Variants in FAM184A observed in about 807,000 individuals in gnomAD.
FAM184A encodes protein FAM184A.
FAM184A carries 99 observed loss-of-function variants against 143.8 expected under a neutral mutation model. That is an observed-to-expected ratio of 0.69 (90% confidence interval 0.58 to 0.81). The LOEUF (loss-of-function observed/expected upper bound fraction) is 0.81. FAM184A is among the 40% of genes least tolerant of loss of function. The probability of loss-of-function intolerance (pLI) is 0.00; values close to 1 mark genes in which losing one functional copy is unlikely to be tolerated. For missense variants in FAM184A, 1,217 were observed against 1,310.5 expected (o/e 0.93, Z 1.10); for synonymous variants, 427 against 446.4 (o/e 0.96, Z 0.55).
chr6:119,082,380 A>G (rs1462559641), upstream of FAM184A, among the ~76,000 whole-genome samples: 2 of 152,194 alleles, frequency 1.3e-5, no homozygotes, highest in Non-Finnish European at 2.9e-5. Context: ...CAGTCTCCCA[A>G]AGTCATAACT....
chr6:119,131,907 T>C (rs552861158), intron 1 of FAM184A, among the ~76,000 whole-genome samples: 2 of 152,374 alleles, frequency 1.3e-5, no homozygotes, highest in Admixed American at 6.5e-5. Context: ...AGGAGAGTTA[T>C]AGGGATAAAG....
chr6:119,133,470 C>T (rs1427445113), intron 1 of FAM184A, among the ~76,000 whole-genome samples: 3 of 152,008 alleles, frequency 2.0e-5, no homozygotes, highest in Non-Finnish European at 4.4e-5. Context: ...GTAAGAGAAG[C>T]GGGGCTGCAG....
At chr6:119,001,267 C>T (rs1784747843) in intron 9 of FAM184A, among the ~76,000 whole-genome samples, 1 of 150,964 alleles carries the variant, frequency 6.6e-6, no homozygotes, top group African/African-American at 2.4e-5. Flanking sequence ...GCCAGTTTCT[C>T]TATGGCAATG....
intron 1 of FAM184A, among the ~76,000 whole-genome samples, chr6:119,059,856 T>C (rs976082133): frequency 1.3e-5 from 2 of 152,234 alleles, no homozygotes; most frequent in Non-Finnish European, 2.9e-5. Flanking sequence ...TCACAAGTAT[T>C]ATTTTGCCAG....
intron 3 of FAM184A, among the ~76,000 whole-genome samples, chr6:119,022,033 T>G (rs547773367): frequency 1.0e-4 from 15 of 150,576 alleles, no homozygotes; most frequent in Middle Eastern, 3.4e-3. Context: ...TTGAAAAGTG[T>G]GCTTCATTTT....
In FAM184A at chr6:119,002,282, C is replaced by T. The variant is rs918457955; in HGVS notation, c.2088+617G>A. On this transcript the variant is annotated intron_variant, in intron 9 of 17. Transcript: ENST00000338891. ...TAATCCTATTTAATGACTTGCTCTG[C>T]GGAAGAATGTTAAGAATTAATAAAT... Among the ~76,000 whole-genome samples the T allele has an allele frequency of 3.9e-5, 6 of 152,022 alleles. No individual in the cohort carries two copies. The East Asian group carries it at 5.8e-4, about 15-fold the overall frequency.
chr6:119,067,159 A>G (rs1402258335), intron 1 of FAM184A, among the ~76,000 whole-genome samples: 1 of 152,222 alleles, frequency 6.6e-6, no homozygotes, highest in Non-Finnish European at 1.5e-5. Context: ...ACAAGGAAAG[A>G]ATTTATCCCA....
intron 14 of FAM184A, among the ~76,000 whole-genome samples, chr6:118,970,667 C>T (rs1373353097): frequency 6.6e-6 from 1 of 152,052 alleles, no homozygotes; most frequent in Non-Finnish European, 1.5e-5. Flanking sequence ...GAGAATACCA[C>T]ACAAGTGTAG....
At chr6:119,138,767 A>T (rs1772107328) in intron 1 of FAM184A, among the ~76,000 whole-genome samples, 1 of 151,992 alleles carries the variant, frequency 6.6e-6, no homozygotes, top group Non-Finnish European at 1.5e-5. Context: ...GCTGGGATTT[A>T]CAGGCATGTG....
At chr6:119,034,362 T>C (rs963550955) in intron 1 of FAM184A, among the ~76,000 whole-genome samples, 7 of 151,814 alleles carry the variant, frequency 4.6e-5, no homozygotes, top group African/African-American at 1.7e-4. Context: ...CTTAGTACAT[T>C]GTTTCATAAG....
chr6:119,081,482 G>A (rs1410275603), upstream of FAM184A, among the ~76,000 whole-genome samples: 2 of 152,186 alleles, frequency 1.3e-5, no homozygotes, highest in Non-Finnish European at 2.9e-5. Context: ...CAGTGGGCAT[G>A]TGTTACAGGG....
At chr6:119,017,972 G>T (rs1010123514) in intron 4 of FAM184A, among the ~76,000 whole-genome samples, 2 of 152,132 alleles carry the variant, frequency 1.3e-5, no homozygotes, top group Non-Finnish European at 2.9e-5. Flanking sequence ...CAGCATGATT[G>T]TAAGCTTCCT....
intron 14 of FAM184A, among the ~76,000 whole-genome samples, chr6:118,971,725 T>C (rs1783702652): frequency 6.6e-6 from 1 of 152,218 alleles, no homozygotes; most frequent in Non-Finnish European, 1.5e-5. Flanking sequence ...GTAATAATCA[T>C]CATCCATAAG....
intron 14 of FAM184A, among the ~76,000 whole-genome samples, chr6:118,971,793 T>C (rs1783704543): frequency 6.6e-6 from 1 of 152,176 alleles, no homozygotes; most frequent in Non-Finnish European, 1.5e-5. Context: ...GTATTTCCCA[T>C]CCTTTACATG....
chr6:119,012,115 T>C (rs1286641202), intron 5 of FAM184A, among the ~76,000 whole-genome samples: 2 of 152,102 alleles, frequency 1.3e-5, no homozygotes, highest in Non-Finnish European at 2.9e-5. Context: ...TAAGCATGGT[T>C]TGAAGGAAGA....
chr6:119,127,315 G>A (rs932985736), intron 1 of FAM184A, among the ~76,000 whole-genome samples: 1 of 152,166 alleles, frequency 6.6e-6, no homozygotes, highest in Non-Finnish European at 1.5e-5. Context: ...GAAAAACTGG[G>A]AAAAGGTGTG....
chr6:119,080,353 C>G (rs1343083895), upstream of FAM184A, among the ~76,000 whole-genome samples: 1 of 152,164 alleles, frequency 6.6e-6, no homozygotes, highest in Non-Finnish European at 1.5e-5. Flanking sequence ...AGTTAGGACC[C>G]TGGTCCACTG....
chr6:118,993,560 G>A (rs571623816), intron 9 of FAM184A, among the ~76,000 whole-genome samples: 2 of 152,238 alleles, frequency 1.3e-5, no homozygotes, highest in African/African-American at 4.8e-5. Context: ...CATCCAAACT[G>A]GTGCCTGGCA....
chr6:119,057,298 T>C lies in FAM184A; in HGVS notation c.159+20843A>G, dbSNP rs184260662. The stretch of plus-strand genomic sequence containing the variant: ...GCAGTGACAATATCCAAAGTGCACA[T>C]GATTATATAGTGTAAATTCTAAATT... On this transcript the variant is annotated intron_variant, in intron 1 of 17. Transcript: ENST00000338891. Among the ~76,000 whole-genome samples the C allele has an allele frequency of 5.6e-4, 86 of 152,316 alleles. 1 individual carries two copies. In the East Asian group the frequency reaches 0.014, roughly 26 times the overall value.
Sources: gnomAD v4.1 joint callset for allele counts (sites outside exome capture counted in the v4.1 genomes callset) on GRCh38, gnomAD v4.1.1 for gene constraint, MANE v1.5 for transcripts, NCBI Gene and HGNC (gene_info 2026-07-23, HGNC 2026-07-21) for gene names.